C11orf65: variants seen among roughly 807,000 people sequenced by gnomAD.
The protein encoded by C11orf65 is chromosome 11 open reading frame 65, also known as protein MFI.
Under a neutral mutation model 35.3 loss-of-function variants are expected in C11orf65, and 38 were observed. The observed-to-expected ratio is 1.08, with a 90% confidence interval of 0.83 to 1.41. The LOEUF is 1.41. Among genes scored for constraint, C11orf65 ranks in the 40% most tolerant of loss-of-function variants. The probability of loss-of-function intolerance (pLI) is 0.00; values close to 1 mark genes in which losing one functional copy is unlikely to be tolerated. For missense variants in C11orf65, 370 were observed against 367.1 expected, an observed-to-expected ratio of 1.01 and a Z score of -0.06; for synonymous variants, 105 against 114.4, an observed-to-expected ratio of 0.92 and a Z score of 0.53.
At chr11:108,373,797 C>G (rs1417818268) in intron 2 of C11orf65, among the ~76,000 whole-genome samples, 2 of 152,228 alleles carry the variant, frequency 1.3e-5, no homozygotes, top group South Asian at 2.1e-4. Context: ...CAGACGGCAC[C>G]TGGAAAATCG....
intron 2 of C11orf65, among the ~76,000 whole-genome samples, chr11:108,433,241 T>A (rs1162211592): frequency 1.3e-5 from 2 of 148,786 alleles, no homozygotes; most frequent in East Asian, 3.9e-4. Context: ...AAAAAAAAAT[T>A]TATATATATA....
chr11:108,328,777 A>G (rs1256765732), downstream of C11orf65, among the ~76,000 whole-genome samples: 1 of 152,226 alleles, frequency 6.6e-6, no homozygotes, highest in East Asian at 1.9e-4. Context: ...AAAAAAAATC[A>G]CAAAAGAAAT....
At chr11:108,319,635 A>G (rs888909826) in intron 6 of C11orf65, among the ~76,000 whole-genome samples, 1 of 152,224 alleles carries the variant, frequency 6.6e-6, no homozygotes, top group Non-Finnish European at 1.5e-5. Flanking sequence ...CCATGAGAGT[A>G]AAGACCTGAT....
In C11orf65 at chr11:108,383,213, T is replaced by C. The variant is rs762370721; in HGVS notation, c.788-38A>G. ...GACAAATGATTAGAAAGATACCAGA[T>C]ATAATAAGATGCTCACTCAAAATGC... On this transcript the variant is annotated intron_variant, in intron 8 of 8. Coordinates refer to ENST00000393084, the MANE Select transcript of C11orf65 (RefSeq NM_152587.5). The C allele has an allele frequency of 2.7e-6, 4 of 1,463,026 alleles. No individual in the cohort carries two copies. In the South Asian group the frequency reaches 5.2e-5, roughly 19 times the overall value. The allele number at this position is 1,463,026 out of a possible 1,614,324, so 90.6% of individuals were successfully genotyped here.
intron 2 of C11orf65, among the ~76,000 whole-genome samples, chr11:108,335,673 G>T (rs2086761921): frequency 6.6e-6 from 1 of 152,212 alleles, no homozygotes; most frequent in Non-Finnish European, 1.5e-5. Flanking sequence ...TGTAAATGTT[G>T]TAGCTTATTC....
chr11:108,428,415 C>T (rs1054954752), intron 3 of C11orf65, among the ~76,000 whole-genome samples: 4 of 152,276 alleles, frequency 2.6e-5, no homozygotes, highest in East Asian at 3.9e-4. Context: ...CCAACCCAAA[C>T]GCCCATCAAT....
intron 2 of C11orf65, among the ~76,000 whole-genome samples, chr11:108,364,739 G>A (rs2091154790): frequency 6.6e-6 from 1 of 152,098 alleles, no homozygotes; most frequent in African/African-American, 2.4e-5. Context: ...AGGAAGAATT[G>A]GGCCCTACAA....
chr11:108,455,580 G>A (rs1046655887), intron 2 of C11orf65, among the ~76,000 whole-genome samples: 11 of 152,072 alleles, frequency 7.2e-5, no homozygotes, highest in African/African-American at 2.7e-4. Context: ...CACTTTGGGA[G>A]GTCGAGGCGG....
intron 2 of C11orf65, among the ~76,000 whole-genome samples, chr11:108,352,500 T>G (rs996624263): frequency 6.6e-6 from 1 of 152,166 alleles, no homozygotes; most frequent in South Asian, 2.1e-4. Flanking sequence ...GAGGAAACCT[T>G]CAGCATCTAG....
At chr11:108,348,968 T>C (rs2137139090) in intron 2 of C11orf65, among the ~76,000 whole-genome samples, 1 of 152,214 alleles carries the variant, frequency 6.6e-6, no homozygotes, top group East Asian at 1.9e-4. Context: ...GAAAAAGAAG[T>C]GTGAATGTAA....
At chr11:108,321,429 T>C in intron 6 of C11orf65, 3 of 1,614,038 alleles carry the variant, frequency 1.9e-6, no homozygotes, top group Non-Finnish European at 2.5e-6. Flanking sequence ...AGGTATGTAA[T>C]TCGTATGACT....
chr11:108,357,350 T>C (rs999826728), intron 2 of C11orf65, among the ~76,000 whole-genome samples: 10 of 151,954 alleles, frequency 6.6e-5, no homozygotes, highest in Admixed American at 3.9e-4. Flanking sequence ...AACTGCAAGG[T>C]GGCAGCGAGG....
chr11:108,354,830 G>C lies in C11orf65; in HGVS notation c.227-19538C>G, dbSNP rs1060501537. The C allele has an allele frequency of 3.1e-6, 5 of 1,613,760 alleles. No individual in the cohort carries two copies. The highest frequency in any genetic ancestry group is 4.2e-6 in the Non-Finnish European group (5 of 1,179,780). The stretch of plus-strand genomic sequence containing the variant: ...CTCTAGATGCTGTGAGAAAACCATG[G>C]AAGTGATGAGAAACTCTCAGGAAAC... On this transcript the variant is annotated intron_variant, in intron 2 of 3. Transcript: ENST00000524755.
intron 3 of C11orf65, among the ~76,000 whole-genome samples, chr11:108,421,392 A>T (rs918372963): frequency 6.6e-6 from 1 of 152,196 alleles, no homozygotes; most frequent in African/African-American, 2.4e-5. Context: ...GCGATAGCTC[A>T]CGCCTATAAT....
intron 7 of C11orf65, among the ~76,000 whole-genome samples, chr11:108,388,480 C>T (rs2092069488): frequency 1.3e-5 from 2 of 152,062 alleles, no homozygotes; most frequent in African/African-American, 4.8e-5. Context: ...TGTTAAATTA[C>T]AAATTTAACA....
At chr11:108,448,623 T>C (rs940169804) in intron 2 of C11orf65, among the ~76,000 whole-genome samples, 1 of 152,208 alleles carries the variant, frequency 6.6e-6, no homozygotes, top group Non-Finnish European at 1.5e-5. Flanking sequence ...TAGGTATTGA[T>C]GGGACGTATC....
At chr11:108,368,373 G>C in intron 2 of C11orf65, 1 of 211,430 alleles carries the variant, frequency 4.7e-6, no homozygotes, top group Non-Finnish European at 9.6e-6. Context: ...CAAATGAGGA[G>C]TAGTTAGATT....
At chr11:108,368,378 T>TA (rs1469375533) in intron 2 of C11orf65, 1 of 212,378 alleles carries the variant, frequency 4.7e-6, no homozygotes, top group Admixed American at 5.9e-5. Flanking sequence ...GAGGAGTAGT[T>TA]AGATTTTGAA....
At chr11:108,417,486 T>A (rs553892700) in intron 3 of C11orf65, among the ~76,000 whole-genome samples, 1 of 151,392 alleles carries the variant, frequency 6.6e-6, no homozygotes, top group Admixed American at 6.6e-5. Context: ...GAGGTTGCAG[T>A]GAGCTGAGAT....
Sources: allele counts gnomAD v4.1 joint callset (sites outside exome capture counted in the v4.1 genomes callset), GRCh38; gene constraint gnomAD v4.1.1; transcripts MANE v1.5; gene names NCBI Gene and HGNC (gene_info 2026-07-23, HGNC 2026-07-21).